The following LRIG1 variants were observed in gnomAD, a reference collection of about 807,000 sequenced individuals.
The protein encoded by LRIG1 is leucine-rich repeats and immunoglobulin-like domains protein 1.
In LRIG1, 48 loss-of-function variants were observed where a neutral mutation model predicts 99.2. The ratio of observed to expected loss-of-function variants is 0.48; its 90% CI spans 0.38 to 0.62. The LOEUF is 0.62. Among genes scored for constraint, LRIG1 ranks in the 20% least tolerant of loss-of-function variants. LRIG1 has a pLI of 0.00. For synonymous variants in LRIG1, 772 were observed against 596.1 expected (o/e 1.29, Z -4.30); for missense variants, 1,646 against 1,434.4 (o/e 1.15, Z -2.38).
chr3:66,389,038 C>T (rs1701513639), intron 12 of LRIG1, among the ~76,000 whole-genome samples: 1 of 152,108 alleles, frequency 6.6e-6, no homozygotes, highest in Admixed American at 6.5e-5. Flanking sequence ...AATTATAAGG[C>T]TGTGTTGATG....
rs1702640713 is a variant in LRIG1 at position 66,417,183 on chromosome 3, T to C, written c.449A>G (p.Asn150Ser). ...GCAGGTGTTCCGCACTTCCGTGATG[T>C]TGTTCAAACTCAGATCTAACACTTC... Reference protein sequence around the residue: ...SLEVLDLSLNNITEVRNTCFP... With the variant: ...SLEVLDLSLNSITEVRNTCFP... The change falls in exon 4 of 19, where the codon AAC becomes AGC. Residue 150 changes from asparagine to serine, a missense_variant. By Grantham distance (46) the Asn-to-Ser change is conservative. Coordinates refer to ENST00000273261, the MANE Select transcript of LRIG1 (RefSeq NM_015541.3). 3 of 1,614,222 alleles carry C rather than the reference T, an allele frequency of 1.9e-6. No homozygotes were observed. The highest frequency in any genetic ancestry group is 2.5e-6 in the Non-Finnish European group (3 of 1,180,034).
intron 1 of LRIG1, among the ~76,000 whole-genome samples, chr3:66,467,620 C>T (rs541079626): frequency 3.3e-5 from 5 of 152,314 alleles, no homozygotes; most frequent in African/African-American, 1.2e-4. Context: ...CTCGGCCTCC[C>T]AAAGTGCTGG....
At chr3:66,424,596 GC>G (rs1374873157) in intron 3 of LRIG1, among the ~76,000 whole-genome samples, 1 of 152,088 alleles carries the variant, frequency 6.6e-6, no homozygotes, top group African/African-American at 2.4e-5. Context: ...TCTTTTTATT[GC>G]CTCTCAACAG....
intron 3 of LRIG1, among the ~76,000 whole-genome samples, chr3:66,437,594 C>T (rs1279349465): frequency 6.6e-6 from 1 of 152,192 alleles, no homozygotes; most frequent in Non-Finnish European, 1.5e-5. Flanking sequence ...GTATCTAAAA[C>T]AACCTAGTGT....
rs147770404 is a variant in LRIG1 at position 66,483,915 on chromosome 3, G to C, written c.218+16275C>G. Among the ~76,000 whole-genome samples the C allele has an allele frequency of 9.1e-3, 1,384 of 152,342 alleles. 24 individuals are homozygous for C. Among genetic ancestry groups the C allele is most frequent in the African/African-American group, 0.031 (1,284 of 41,580 alleles). On this transcript the variant is annotated intron_variant, in intron 1 of 18. Transcript: ENST00000273261. Reference sequence around the variant, plus strand: ...GAGGCGCCCGAGGACCTCATGTGGGGACAGTTCACATGCACTGCTTTAACT... The same window carrying C: ...GAGGCGCCCGAGGACCTCATGTGGGCACAGTTCACATGCACTGCTTTAACT...
At chr3:66,435,098 C>T (rs1282185008) in intron 3 of LRIG1, among the ~76,000 whole-genome samples, 1 of 152,100 alleles carries the variant, frequency 6.6e-6, no homozygotes, top group East Asian at 1.9e-4. Flanking sequence ...TGGAATACAA[C>T]TCTGTGATTA....
chr3:66,411,878 G>C (rs960629518), intron 6 of LRIG1, among the ~76,000 whole-genome samples: 1 of 132,468 alleles, frequency 7.5e-6, no homozygotes, highest in Non-Finnish European at 1.6e-5. Context: ...ACGAAAAAGA[G>C]AAAGGCTTAG....
chr3:66,478,685 G>A (rs749054563), intron 1 of LRIG1, among the ~76,000 whole-genome samples: 4 of 152,210 alleles, frequency 2.6e-5, no homozygotes, highest in East Asian at 1.9e-4. Context: ...AGTTCAGCCC[G>A]CTGACCATCT....
chr3:66,383,824 A>G (rs557925972), intron 14 of LRIG1, among the ~76,000 whole-genome samples, 167 bp downstream of exon 14: 10 of 152,290 alleles, frequency 6.6e-5, no homozygotes, highest in South Asian at 4.1e-4. Flanking sequence ...AAGAGATAGA[A>G]ACACTTGTTT....
At chr3:66,395,814 G>C (rs972894362) in intron 11 of LRIG1, among the ~76,000 whole-genome samples, 1 of 152,196 alleles carries the variant, frequency 6.6e-6, no homozygotes, top group Non-Finnish European at 1.5e-5. Flanking sequence ...GGCATGGGGG[G>C]AACTCAGCCT....
chr3:66,455,142 G>A (rs1057148958), intron 2 of LRIG1, among the ~76,000 whole-genome samples: 2 of 152,064 alleles, frequency 1.3e-5, no homozygotes, highest in South Asian at 2.1e-4. Context: ...ACGGGGTTTC[G>A]TCATGTTGGC....
rs758208407 is a variant in LRIG1, at chr3:66,405,218, C to A, written c.1140G>T (p.Gly380=). 6.2e-7 allele frequency: 1 copy of A among 1,614,188 alleles called. No homozygotes were observed. Among genetic ancestry groups the A allele is most frequent in the South Asian group, 1.1e-5 (1 of 91,088 alleles). Residue 380 remains glycine (G), a synonymous_variant, in exon 9 of 19, where the codon GGG becomes GGT. Coordinates refer to ENST00000273261, the MANE Select transcript of LRIG1 (RefSeq NM_015541.3). ...TIEDTSGAFS[G]LDSLSKLTLF... is the part of the protein sequence containing the mutation. ...CTCACAGCTTGCTGAGGCTGTCGAG[C>A]CCTGAGAAGGCGCCGCTCGTGTCCT...
In LRIG1 at chr3:66,417,185, G is replaced by T. The variant is rs1702640829; in HGVS notation, c.447C>A (p.Asn149Lys). ...LSLEVLDLSL[N>K]NITEVRNTCF... ...AGGTGTTCCGCACTTCCGTGATGTT[G>T]TTCAAACTCAGATCTAACACTTCTA... is the stretch of plus-strand genomic sequence containing the variant. Residue 149 changes from asparagine (N) to lysine (K), a missense_variant, in exon 4 of 19, where the codon AAC (asparagine) becomes AAA (lysine). By Grantham distance (94) the Asn-to-Lys change is moderately conservative. Coordinates refer to ENST00000273261, the MANE Select transcript of LRIG1 (RefSeq NM_015541.3). 3.7e-6 allele frequency: 6 copies of T among 1,614,198 alleles called. No individual in the cohort carries two copies. Among genetic ancestry groups the T allele is most frequent in the Non-Finnish European group, 5.1e-6 (6 of 1,180,030 alleles).
At chr3:66,486,908 A>C (rs996460497) in intron 1 of LRIG1, among the ~76,000 whole-genome samples, 5 of 152,234 alleles carry the variant, frequency 3.3e-5, no homozygotes, top group African/African-American at 1.2e-4. Flanking sequence ...ATCTCACAGA[A>C]CAAGTGTTCT....
chr3:66,471,944 T>G (rs894298464), intron 1 of LRIG1, among the ~76,000 whole-genome samples: 1 of 152,180 alleles, frequency 6.6e-6, no homozygotes, highest in Non-Finnish European at 1.5e-5. Context: ...GGAGACTGAT[T>G]AGCTTCCTAT....
intron 3 of LRIG1, among the ~76,000 whole-genome samples, chr3:66,420,138 G>A (rs1014718013): frequency 6.6e-6 from 1 of 152,152 alleles, no homozygotes; most frequent in African/African-American, 2.4e-5. Flanking sequence ...AATGAGCCAA[G>A]AATTGAACAT....
intron 3 of LRIG1, among the ~76,000 whole-genome samples, chr3:66,428,798 A>T (rs111902937): frequency 1.8e-3 from 271 of 152,376 alleles, no homozygotes; most frequent in Middle Eastern, 0.017. Context: ...GTCTCGTAAG[A>T]AACAGCCCAG....
intron 3 of LRIG1, among the ~76,000 whole-genome samples, chr3:66,427,985 T>C (rs543578012): frequency 2.0e-5 from 3 of 152,350 alleles, no homozygotes; most frequent in African/African-American, 7.2e-5. Context: ...TCTATCACTG[T>C]ACGATATTTC....
intron 2 of LRIG1, among the ~76,000 whole-genome samples, chr3:66,459,537 T>C (rs1270064462): frequency 6.6e-6 from 1 of 152,220 alleles, no homozygotes; most frequent in African/African-American, 2.4e-5. Flanking sequence ...AGGACCTTCC[T>C]GATCACACTG....
Sources: allele counts gnomAD v4.1 joint callset (sites outside exome capture counted in the v4.1 genomes callset), GRCh38; gene constraint gnomAD v4.1.1; transcripts MANE v1.5; gene names NCBI Gene and HGNC (gene_info 2026-07-23, HGNC 2026-07-21).